The following PPP2R2B variants were observed in gnomAD, a reference collection of about 807,000 sequenced individuals.
The protein encoded by PPP2R2B is serine/threonine-protein phosphatase 2A 55 kDa regulatory subunit B beta isoform.
In PPP2R2B, 5 loss-of-function variants were observed where a neutral mutation model predicts 46.0. That is an observed-to-expected ratio of 0.11 (90% CI 0.06 to 0.23). The LOEUF (loss-of-function observed/expected upper bound fraction) is 0.23, where lower values mean the gene tolerates loss of function less well. Among genes scored for constraint, PPP2R2B ranks in the 10% least tolerant of loss-of-function variants. The pLI is 1.00. For missense variants in PPP2R2B, 367 were observed against 575.0 expected (o/e 0.64, Z 3.70); for synonymous variants, 215 against 206.7 (o/e 1.04, Z -0.34).
intron 5 of PPP2R2B, among the ~76,000 whole-genome samples, chr5:146,682,162 C>T (rs438790): frequency 0.26 from 39,033 of 152,040 alleles, 7,145 homozygotes; most frequent in African/African-American, 0.51. Context: ...ACAAAGGTAC[C>T]TTTGGGATGA....
At chr5:146,996,411 TG>T (rs1477579368) in intron 1 of PPP2R2B, among the ~76,000 whole-genome samples, 2 of 152,052 alleles carry the variant, frequency 1.3e-5, no homozygotes, top group Non-Finnish European at 2.9e-5. Flanking sequence ...ATAGTTTGCA[TG>T]GAAGAAAGTG....
chr5:146,904,526 C>A (rs1341042973), intron 1 of PPP2R2B, among the ~76,000 whole-genome samples: 1 of 152,072 alleles, frequency 6.6e-6, no homozygotes, highest in Non-Finnish European at 1.5e-5. Flanking sequence ...GAGCGTGTTC[C>A]CCGAGTCCTA....
At chr5:146,619,043 A>G (rs1172154023) in intron 7 of PPP2R2B, among the ~76,000 whole-genome samples, 2 of 152,024 alleles carry the variant, frequency 1.3e-5, no homozygotes, top group African/African-American at 2.4e-5. Context: ...CAGCATTCCA[A>G]TATTACTCTC....
chr5:146,864,655 C>T (rs1343544375), intron 2 of PPP2R2B, among the ~76,000 whole-genome samples: 2 of 152,194 alleles, frequency 1.3e-5, no homozygotes, highest in East Asian at 1.9e-4. Context: ...AGGGTACAAA[C>T]TACTCACCCA....
At chr5:146,727,089 A>G (rs1321722385) in intron 2 of PPP2R2B, among the ~76,000 whole-genome samples, 2 of 152,128 alleles carry the variant, frequency 1.3e-5, no homozygotes, top group Non-Finnish European at 2.9e-5. Context: ...CATTTTCTAA[A>G]CTACCCTTCA....
At chr5:147,060,698 G>A (rs1757232240), upstream of PPP2R2B, among the ~76,000 whole-genome samples, 1 of 152,072 alleles carries the variant, frequency 6.6e-6, no homozygotes, top group African/African-American at 2.4e-5. Flanking sequence ...CTCTTCTTCG[G>A]GTATAATAAC....
intron 7 of PPP2R2B, among the ~76,000 whole-genome samples, chr5:146,609,853 A>G (rs915562101): frequency 5.8e-5 from 8 of 138,892 alleles, no homozygotes; most frequent in Admixed American, 2.2e-4. Flanking sequence ...CGCCCACGGA[A>G]TCTCGCTGAT....
chr5:146,969,062 G>C (rs191927516), intron 1 of PPP2R2B, among the ~76,000 whole-genome samples: 3 of 152,298 alleles, frequency 2.0e-5, no homozygotes, highest in Admixed American at 1.3e-4. Context: ...GTTAGACATA[G>C]GCTCCTACTT....
At chr5:146,667,480 T>G (rs1422533415) in intron 5 of PPP2R2B, among the ~76,000 whole-genome samples, 1 of 150,932 alleles carries the variant, frequency 6.6e-6, no homozygotes, top group African/African-American at 2.4e-5. Context: ...CTTTCAGAAA[T>G]AAGAATGGAG....
intron 2 of PPP2R2B, among the ~76,000 whole-genome samples, chr5:146,712,395 A>G: frequency 6.6e-6 from 1 of 152,226 alleles, no homozygotes; most frequent in East Asian, 1.9e-4. Context: ...TACAGAATGA[A>G]TAAACTAGTG....
intron 1 of PPP2R2B, among the ~76,000 whole-genome samples, chr5:146,902,061 C>T (rs1762852280): frequency 2.6e-5 from 4 of 152,148 alleles, no homozygotes; most frequent in Admixed American, 2.6e-4. Context: ...AGGACATGAA[C>T]TGATGTATGG....
intron 6 of PPP2R2B, among the ~76,000 whole-genome samples, chr5:146,649,678 G>A (rs1775823549): frequency 6.6e-6 from 1 of 152,104 alleles, no homozygotes; most frequent in Non-Finnish European, 1.5e-5. Context: ...TTAAACCTCT[G>A]ACCTGAAGCA....
At chr5:146,923,609 T>A (rs1763682489) in intron 1 of PPP2R2B, among the ~76,000 whole-genome samples, 1 of 152,174 alleles carries the variant, frequency 6.6e-6, no homozygotes, top group Non-Finnish European at 1.5e-5. Context: ...TCAAAGGAAT[T>A]AGTGAATGGT....
chr5:146,953,823 C>T (rs1316877249), intron 1 of PPP2R2B, among the ~76,000 whole-genome samples: 1 of 152,120 alleles, frequency 6.6e-6, no homozygotes, highest in Non-Finnish European at 1.5e-5. Flanking sequence ...CAATGCCAAA[C>T]TCCTATGTAA....
At chr5:146,916,830 T>G (rs961808642) in intron 1 of PPP2R2B, among the ~76,000 whole-genome samples, 8 of 152,220 alleles carry the variant, frequency 5.3e-5, no homozygotes, top group African/African-American at 1.9e-4. Flanking sequence ...GAAAATTAAA[T>G]TGAACCAGTT....
In PPP2R2B at chr5:146,711,522, A is replaced by G. The variant is rs112894460; in HGVS notation, c.71-10380T>C. On this transcript the variant is annotated intron_variant, in intron 2 of 9. Coordinates refer to ENST00000394411, the MANE Select transcript of PPP2R2B (RefSeq NM_181675.4). ...TCTTGTCCTAAAAAGCCTTTGCAGC[A>G]CTGTCAGGGATTCAGGGTCCTATGA... Among the ~76,000 whole-genome samples, 583 of 152,332 alleles carry G rather than the reference A, an allele frequency of 3.8e-3. 6 individuals are homozygous for G. Among genetic ancestry groups the G allele is most frequent in the African/African-American group, 0.013 (560 of 41,578 alleles).
intron 1 of PPP2R2B, among the ~76,000 whole-genome samples, chr5:147,004,228 C>T (rs1285524779): frequency 6.6e-6 from 1 of 151,942 alleles, no homozygotes. Context: ...AAACAAGCCA[C>T]CCCCTCATCC....
intron 2 of PPP2R2B, among the ~76,000 whole-genome samples, chr5:146,721,098 A>G (rs1055911895): frequency 3.3e-5 from 5 of 152,132 alleles, no homozygotes; most frequent in Non-Finnish European, 7.3e-5. Context: ...TCACCTGGGG[A>G]CTCAGGCCTG....
chr5:146,589,757 C>A lies in PPP2R2B; in HGVS notation c.*190G>T. On this transcript the variant is annotated 3_prime_UTR_variant, in exon 10 of 10. Transcript: ENST00000394411. ...CAATTCTAAACAGAAGTGTCCCAAA[C>A]CTATTGGGTTTGACAAAAGTTTCTT... is the stretch of plus-strand genomic sequence containing the variant. 1.6e-6 allele frequency: 1 copy of A among 616,906 alleles called. No homozygotes were observed. The highest frequency in any genetic ancestry group is 2.8e-6 in the Non-Finnish European group (1 of 357,316). The allele number at this position is 616,906 out of a possible 1,614,324, so 38.2% of individuals were successfully genotyped here.
Sources: gnomAD v4.1 joint callset for allele counts (sites outside exome capture counted in the v4.1 genomes callset) on GRCh38, gnomAD v4.1.1 for gene constraint, MANE v1.5 for transcripts, NCBI Gene and HGNC (gene_info 2026-07-23, HGNC 2026-07-21) for gene names.